THPO: variants seen among roughly 807,000 people sequenced by gnomAD.
THPO encodes the protein thrombopoietin, also known as MPL ligand.
In THPO, 12 loss-of-function variants were observed where a neutral mutation model predicts 17.0. The ratio of observed to expected loss-of-function variants is 0.71; its 90% confidence interval spans 0.45 to 1.14. THPO has a LOEUF of 1.14. Among genes scored for constraint, THPO ranks in the 50% most tolerant of loss-of-function variants. THPO has a pLI of 0.00. For missense variants in THPO, 365 were observed against 427.5 expected, an observed-to-expected ratio of 0.85 and a Z score of 1.29; for synonymous variants, 188 against 183.0, an observed-to-expected ratio of 1.03 and a Z score of -0.22.
chr3:184,375,825 T>G (rs1411371505), intron 3 of THPO, 63 bp downstream of exon 3: 4 of 1,610,060 alleles, frequency 2.5e-6, no homozygotes, highest in Non-Finnish European at 3.4e-6. Context: ...GATGGTGTCT[T>G]CCTGGGAGTA....
At position 184,373,531 on chromosome 3, in the gene THPO, C is replaced by A; in HGVS notation, c.280G>T (p.Gly94Ter). 3 of 1,614,132 alleles carry A rather than the reference C, an allele frequency of 1.9e-6. No homozygotes were observed. Among genetic ancestry groups the A allele is most frequent in the Non-Finnish European group, 1.7e-6 (2 of 1,180,026 alleles). The change falls in exon 5 of 6, where the codon GGA becomes TGA. Residue 94 changes from glycine (G) to a stop codon, truncating the protein, a stop_gained. Transcript: ENST00000647395. LOFTEE classifies it high-confidence loss of function. ...ILGAVTLLLE[G>*]VMAARGQLGP... is the part of the protein sequence containing the mutation. ...AGTTGTCCCCGTGCTGCCATCACTC[C>A]CTCCAGCAGAAGGGTCACTGCTCCC...
intron 4 of THPO, 108 bp from the exon 5 acceptor site, chr3:184,373,690 G>A: frequency 7.7e-7 from 1 of 1,297,364 alleles, no homozygotes; most frequent in South Asian, 1.3e-5. Context: ...GCTGAGAACT[G>A]GACAGGACCA....
intron 4 of THPO, 57 bp from the exon 5 acceptor site, chr3:184,373,639 G>A: frequency 1.9e-6 from 3 of 1,594,198 alleles, no homozygotes; most frequent in Non-Finnish European, 2.6e-6. Flanking sequence ...CTAAAAGCGG[G>A]TGGGGAGCCT....
Position 184,376,306 on chromosome 3 carries a change from C to T in THPO, c.-47G>A, listed in dbSNP as rs1473244573. Reference sequence around the variant, plus strand: ...GCGTGGCTCCCTGTTTGGGGCCTCTCCCCTGAATCCTTCCTGGGGCCATGG... The same window carrying T: ...GCGTGGCTCCCTGTTTGGGGCCTCTTCCCTGAATCCTTCCTGGGGCCATGG... On this transcript the variant is annotated 5_prime_UTR_variant, in exon 2 of 6. Transcript: ENST00000647395. 1 of 1,614,212 alleles carries T rather than the reference C, an allele frequency of 6.2e-7. No homozygotes were observed. Among genetic ancestry groups the T allele is most frequent in the Admixed American group, 1.7e-5 (1 of 60,030 alleles).
At chr3:184,377,507 T>C (rs1396168520) in intron 1 of THPO, among the ~76,000 whole-genome samples, 1 of 152,174 alleles carries the variant, frequency 6.6e-6, no homozygotes, top group Non-Finnish European at 1.5e-5. Flanking sequence ...CCTGCCCCCT[T>C]GGCAGAACCC....
At chr3:184,376,536 A>G in intron 1 of THPO, 132 bp from the exon 2 acceptor site, 1 of 1,042,656 alleles carries the variant, frequency 9.6e-7, no homozygotes, top group Non-Finnish European at 1.3e-6. Flanking sequence ...ATTCTCTCAC[A>G]TTTTCTTGTG....
At chr3:184,374,499 G>A (rs1714223243) in intron 4 of THPO, among the ~76,000 whole-genome samples, 1 of 152,200 alleles carries the variant, frequency 6.6e-6, no homozygotes, top group African/African-American at 2.4e-5. Context: ...ATTAGCATAT[G>A]TCTTCAGGGG....
At chr3:184,375,747 G>A (rs1714335024) in intron 3 of THPO, 141 bp downstream of exon 3, 1 of 1,487,038 alleles carries the variant, frequency 6.7e-7, no homozygotes, top group East Asian at 2.3e-5. Flanking sequence ...ATCCTTGTCA[G>A]AGAGTGTGAT....
At chr3:184,373,636 C>T (rs1423328871) in intron 4 of THPO, 54 bp from the exon 5 acceptor site, 22 of 1,597,418 alleles carry the variant, frequency 1.4e-5, no homozygotes, top group African/African-American at 1.1e-4. Flanking sequence ...ACACTAAAAG[C>T]GGGTGGGGAG....
At position 184,372,536 on chromosome 3, in the gene THPO, G is replaced by A; in HGVS notation, c.1039C>T (p.Gln347Ter). ...CCTTACCCTTCCTGAGACAGATTCT[G>A]GGAGTGGGTGTAGGATGTGTTTAGA... Reference protein sequence around the residue: ...PLLNTSYTHSQNLSQEG With the variant: ...PLLNTSYTHS The change falls in exon 6 of 6, where the codon CAG (glutamine) becomes TAG (stop). Residue 347 changes from glutamine to a stop codon, truncating the protein, a stop_gained. Coordinates refer to ENST00000647395, the MANE Select transcript of THPO (RefSeq NM_000460.4). LOFTEE classifies it high-confidence loss of function. 1 of 1,614,084 alleles carries A rather than the reference G, an allele frequency of 6.2e-7. No homozygotes were observed. The highest frequency in any genetic ancestry group is 8.5e-7 in the Non-Finnish European group (1 of 1,180,024).
rs1393769356 is a variant in THPO, at chr3:184,373,095, C to T, written c.480G>A (p.Val160=). The change falls in exon 6 of 6, where the codon GTG becomes GTA. Residue 160 remains valine, a synonymous_variant. Transcript: ENST00000647395. ...ACCCTCCTACAAGCATCAGGAAACG[C>T]ACCTTTCCTCGGAGCAGGTGTTGGA... ...LSFQHLLRGK[V]RFLMLVGGST... 5 of 1,613,826 alleles carry T rather than the reference C, an allele frequency of 3.1e-6. No individual in the cohort carries two copies. The Admixed American group carries it at 6.7e-5, about 22-fold the overall frequency.
rs144357806 is a variant in THPO at position 184,375,114 on chromosome 3, C to T, written c.228+401G>A. Among the ~76,000 whole-genome samples the T allele has an allele frequency of 4.4e-3, 664 of 152,280 alleles. 8 individuals carry two copies. The highest frequency in any genetic ancestry group is 0.015 in the African/African-American group (631 of 41,552). On this transcript the variant is annotated intron_variant, in intron 4 of 5. Coordinates refer to ENST00000647395, the MANE Select transcript of THPO (RefSeq NM_000460.4). ...AGAAGTTTATATCTCTGTTGTTTCA[C>T]CTTGTTTTTGACCTAGTCTTTCAGT...
rs921388118 is a variant in THPO at position 184,372,402 on chromosome 3, T to C, written c.*111A>G. On this transcript the variant is annotated 3_prime_UTR_variant, in exon 6 of 6. Coordinates refer to ENST00000647395, the MANE Select transcript of THPO (RefSeq NM_000460.4). ...TCCTGTGTATCCCTTTTACCAGGGCTTTGGGTTTCAGGAGAAAGTAGGAAA... is the reference window on the plus strand; with the variant it reads ...TCCTGTGTATCCCTTTTACCAGGGCCTTGGGTTTCAGGAGAAAGTAGGAAA... 1.1e-4 allele frequency: 146 copies of C among 1,339,888 alleles called. No homozygotes were observed. Among genetic ancestry groups the C allele is most frequent in the Non-Finnish European group, 1.3e-4 (126 of 934,400 alleles). 83.0% of individuals were successfully genotyped at this position (1,339,888 alleles called of 1,614,324 possible).
Position 184,376,249 on chromosome 3 carries a change from G to C in THPO, c.11C>G (p.Thr4Ser). The C allele has an allele frequency of 6.8e-6, 11 of 1,614,138 alleles. No individual in the cohort carries two copies. Among genetic ancestry groups the C allele is most frequent in the South Asian group, 2.2e-5 (2 of 91,080 alleles). The stretch of plus-strand genomic sequence containing the variant: ...TAGCCCCTCAGGTGTGTTCTCACCA[G>C]TCAGCTCCATTCTGGCCGGGGTGTC... MELTELLLVVMLLL... is the reference protein window; with the variant it reads MELSELLLVVMLLL... The change falls in exon 2 of 6, where the codon ACT becomes AGT. Residue 4 changes from threonine to serine, a missense_variant and splice_region_variant. Transcript: ENST00000647395.
intron 4 of THPO, 126 bp from the exon 5 acceptor site, chr3:184,373,708 AC>A (rs1714158298): frequency 1.8e-6 from 2 of 1,120,294 alleles, no homozygotes; most frequent in Admixed American, 2.0e-5. Context: ...CCAAGGTCCC[AC>A]CCAGGGCAGG....
rs745790129 is a variant in THPO, at chr3:184,372,846, G to T, written c.729C>A (p.Ile243=). Residue 243 remains isoleucine (I), a synonymous_variant, in exon 6 of 6, where the codon ATC becomes ATA. Transcript: ENST00000647395. ...LNQTSRSLDQ[I]PGYLNRIHEL... ...CGTGTATCCTGTTCAGGTATCCGGG[G>T]ATTTGGTCCAGGGACCTGGAGGTTT... 7 of 1,614,054 alleles carry T rather than the reference G, an allele frequency of 4.3e-6. No homozygotes were observed. The highest frequency in any genetic ancestry group is 8.5e-7 in the Non-Finnish European group (1 of 1,180,026).
At chr3:184,376,930 C>T (rs949492883) in intron 1 of THPO, among the ~76,000 whole-genome samples, 4 of 152,016 alleles carry the variant, frequency 2.6e-5, no homozygotes, top group African/African-American at 7.2e-5. Context: ...CTCAGTGAAT[C>T]GGACATGGAT....
rs775232517 is a variant in THPO at position 184,373,508 on chromosome 3, T to C, written c.303A>G (p.Gln101=). Residue 101 remains glutamine (Q), a synonymous_variant, in exon 5 of 6, where the codon CAA becomes CAG. Coordinates refer to ENST00000647395, the MANE Select transcript of THPO (RefSeq NM_000460.4). The part of the protein sequence containing the change: ...LLEGVMAARG[Q]LGPTCLSSLL... ...GGGATGAGAGGCAAGTGGGTCCCAG[T>C]TGTCCCCGTGCTGCCATCACTCCCT... 25 of 1,614,008 alleles carry C rather than the reference T, an allele frequency of 1.5e-5. No homozygotes were observed. In the East Asian group the frequency reaches 5.3e-4, roughly 35 times the overall value.
Position 184,372,764 on chromosome 3 carries a change from C to A in THPO, c.811G>T (p.Ala271Ser). Residue 271 changes from alanine to serine, a missense_variant, in exon 6 of 6, where the codon GCC becomes TCC. Transcript: ENST00000647395. ...FPGPSRRTLGAPDISSGTSDT... is the reference protein window; with the variant it reads ...FPGPSRRTLGSPDISSGTSDT... ...GATGTTCCTGAGGAAATGTCCGGGG[C>A]TCCTAGGGTCCTGCGTGAGGGTCCA... 2 of 1,613,916 alleles carry A rather than the reference C, an allele frequency of 1.2e-6. No homozygotes were observed. The highest frequency in any genetic ancestry group is 1.7e-6 in the Non-Finnish European group (2 of 1,179,946).
Sources: allele counts gnomAD v4.1 joint callset (sites outside exome capture counted in the v4.1 genomes callset), GRCh38; gene constraint gnomAD v4.1.1; transcripts MANE v1.5; gene names NCBI Gene and HGNC (gene_info 2026-07-23, HGNC 2026-07-21).